Variants in SKI observed in about 807,000 individuals in gnomAD.
SKI encodes ski oncogene.
A neutral mutation model predicts 59.3 loss-of-function variants in SKI; 23 were observed. That is an observed-to-expected ratio of 0.39 (90% CI 0.28 to 0.55). The LOEUF (loss-of-function observed/expected upper bound fraction) is 0.55, where lower values mean the gene tolerates loss of function less well. Among genes scored for constraint, SKI ranks in the 20% least tolerant of loss-of-function variants. SKI has a pLI of 0.67. For synonymous variants in SKI, 673 were observed against 488.6 expected, an observed-to-expected ratio of 1.38 and a Z score of -4.98; for missense variants, 1,017 against 1,038.9, an observed-to-expected ratio of 0.98 and a Z score of 0.29.
At chr1:2,266,618 G>A (rs1312239377) in intron 1 of SKI, among the ~76,000 whole-genome samples, 4 of 152,114 alleles carry the variant, frequency 2.6e-5, no homozygotes, top group South Asian at 2.1e-4. Flanking sequence ...TCTTGTCTGC[G>A]TTTTTGGCCT....
intron 1 of SKI, among the ~76,000 whole-genome samples, chr1:2,293,511 C>T (rs894533635): frequency 6.6e-6 from 1 of 151,648 alleles, no homozygotes. Flanking sequence ...GCGTGTCTGT[C>T]CCCACCATCG....
chr1:2,256,018 C>T (rs766364124), intron 1 of SKI, among the ~76,000 whole-genome samples: 35 of 150,754 alleles, frequency 2.3e-4, no homozygotes, highest in Admixed American at 5.9e-4. Flanking sequence ...ACACTGTGCC[C>T]GGACTGCATT....
intron 1 of SKI, among the ~76,000 whole-genome samples, chr1:2,296,102 A>G (rs1432309104): frequency 2.6e-5 from 4 of 152,140 alleles, no homozygotes; most frequent in Admixed American, 2.6e-4. Flanking sequence ...AAAAAATTCT[A>G]GGCCAGGCGC....
chr1:2,288,425 C>T (rs762553210), intron 1 of SKI, among the ~76,000 whole-genome samples: 4 of 152,206 alleles, frequency 2.6e-5, no homozygotes, highest in Non-Finnish European at 4.4e-5. Flanking sequence ...CCCAGCAGGG[C>T]TGTTTACTTA....
intron 1 of SKI, among the ~76,000 whole-genome samples, chr1:2,279,747 C>T (rs1408932497): frequency 1.3e-5 from 2 of 152,198 alleles, no homozygotes; most frequent in Non-Finnish European, 2.9e-5. Flanking sequence ...CAGGGTCTCA[C>T]TCTGTCGCCC....
At chr1:2,282,871 G>A (rs971701839) in intron 1 of SKI, among the ~76,000 whole-genome samples, 2 of 152,218 alleles carry the variant, frequency 1.3e-5, no homozygotes, top group Non-Finnish European at 2.9e-5. Context: ...TGTCACCCCG[G>A]TGTGGGCCCA....
rs1224221911 is a variant in SKI, at chr1:2,282,424, G to A, written c.970-20554G>A. 4.9e-5 allele frequency among the ~76,000 whole-genome samples: 4 copies of A among 81,882 alleles called. No individual in the cohort carries two copies. In the Admixed American group the frequency reaches 5.0e-4, roughly 10 times the overall value. The allele number at this position is 81,882 out of a possible 152,430, so 53.7% of individuals were successfully genotyped here. On this transcript the variant is annotated intron_variant, in intron 1 of 6. Transcript: ENST00000378536. The stretch of plus-strand genomic sequence containing the variant: ...GGAGATCTTCAGAGAGAGGATGCCC[G>A]AGAAGACAGGCGGTGGCGGAGATCT...
intron 4 of SKI, 34 bp downstream of exon 4, chr1:2,304,136 G>A: frequency 6.2e-7 from 1 of 1,609,076 alleles, no homozygotes; most frequent in Non-Finnish European, 8.5e-7. Flanking sequence ...CCTCCTCCCT[G>A]TGGGCTGTGG....
chr1:2,240,414 G>A (rs1638844993), intron 1 of SKI: 2 of 891,046 alleles, frequency 2.2e-6, no homozygotes. Context: ...GTGTGTCTGG[G>A]ACTCTGAACT....
intron 1 of SKI, among the ~76,000 whole-genome samples, chr1:2,294,800 C>T (rs975225815): frequency 4.6e-5 from 7 of 152,238 alleles, no homozygotes; most frequent in East Asian, 1.9e-4. Context: ...TGCCAGTCTC[C>T]TGGCACCTGG....
rs182588897 is a variant in SKI at position 2,268,996 on chromosome 1, G to A, written c.970-33982G>A. On this transcript the variant is annotated intron_variant, in intron 1 of 6. Coordinates refer to ENST00000378536, the MANE Select transcript of SKI (RefSeq NM_003036.4). This position sits in a 1 kb window ranked among gnomAD's most constrained non-coding sequence, Gnocchi z 5.0. ...GGTCTGGCTCTGGCTCTGTCACCCA[G>A]GCTGGAGTGCAGCAGCACAGTCTTG... Among the ~76,000 whole-genome samples, 62 of 151,960 alleles carry A rather than the reference G, an allele frequency of 4.1e-4. No individual in the cohort carries two copies. Among genetic ancestry groups the A allele is most frequent in the Non-Finnish European group, 8.1e-4 (55 of 67,990 alleles).
intron 1 of SKI, among the ~76,000 whole-genome samples, chr1:2,230,775 G>T (rs1638618275): frequency 6.6e-6 from 1 of 152,182 alleles, no homozygotes; most frequent in Non-Finnish European, 1.5e-5. Context: ...CATTGGCTCA[G>T]CTATTCTTGG....
At chr1:2,299,301 C>G (rs899637934) in intron 1 of SKI, among the ~76,000 whole-genome samples, 1 of 152,152 alleles carries the variant, frequency 6.6e-6, no homozygotes, top group Non-Finnish European at 1.5e-5. Flanking sequence ...TGCCCATGTC[C>G]TCCTCACGGA....
At chr1:2,305,938 G>A in intron 5 of SKI, 82 bp from the exon 6 acceptor site, 1 of 1,071,678 alleles carries the variant, frequency 9.3e-7, no homozygotes, top group Non-Finnish European at 1.4e-6. Context: ...GACCCCACGG[G>A]GTGGGCTGAG....
chr1:2,235,427 AGGCCT>A (rs1305201421), intron 1 of SKI, among the ~76,000 whole-genome samples: 1 of 152,178 alleles, frequency 6.6e-6, no homozygotes, highest in Non-Finnish European at 1.5e-5. Context: ...TGTTCTCTCG[AGGCCT>A]GGTTGCCCTC....
At chr1:2,246,829 T>TAGC (rs1639008391) in intron 1 of SKI, among the ~76,000 whole-genome samples, 1 of 149,308 alleles carries the variant, frequency 6.7e-6, no homozygotes, top group Non-Finnish European at 1.5e-5. Flanking sequence ...GCCTGGCCTG[T>TAGC]AGCAGCAGCA....
In SKI at chr1:2,268,857, C is replaced by T. The variant is rs1043266393; in HGVS notation, c.970-34121C>T. 9.9e-5 allele frequency among the ~76,000 whole-genome samples: 15 copies of T among 151,988 alleles called. No individual in the cohort carries two copies. The highest frequency in any genetic ancestry group is 2.7e-4 in the African/African-American group (11 of 41,376). ...CGTATTCTGATTCCTTCTTCCCTCCCTCCCTCCCTTCTGCCTTTCCCCTTT... is the reference window on the plus strand; with the variant it reads ...CGTATTCTGATTCCTTCTTCCCTCCTTCCCTCCCTTCTGCCTTTCCCCTTT... On this transcript the variant is annotated intron_variant, in intron 1 of 6. Coordinates refer to ENST00000378536, the MANE Select transcript of SKI (RefSeq NM_003036.4). This position sits in a 1 kb window ranked among gnomAD's most constrained non-coding sequence, Gnocchi z 5.0.
intron 1 of SKI, among the ~76,000 whole-genome samples, chr1:2,291,752 C>T (rs762244056): frequency 4.6e-5 from 7 of 152,200 alleles, no homozygotes; most frequent in South Asian, 2.1e-4. Context: ...GCCAAGGCCC[C>T]GAGGGAGCGC....
chr1:2,250,274 A>G (rs1388712718), intron 1 of SKI, among the ~76,000 whole-genome samples: 5 of 152,168 alleles, frequency 3.3e-5, no homozygotes, highest in Non-Finnish European at 5.9e-5. Context: ...CCTGCTCAAC[A>G]GAGAGTCCCG....
Sources: gnomAD v4.1 joint callset for allele counts (sites outside exome capture counted in the v4.1 genomes callset) on GRCh38, gnomAD v4.1.1 for gene constraint, Gnocchi (gnomAD v3.1) non-coding constraint, MANE v1.5 for transcripts, NCBI Gene and HGNC (gene_info 2026-07-23, HGNC 2026-07-21) for gene names.